Variants in PARD3 observed in about 807,000 individuals in gnomAD.
The protein encoded by PARD3 is partitioning defective 3 homolog.
Under a neutral mutation model 155.4 loss-of-function variants are expected in PARD3, and 75 were observed. The ratio of observed to expected loss-of-function variants is 0.48; its 90% CI spans 0.40 to 0.58. The LOEUF is 0.58. Among genes scored for constraint, PARD3 ranks in the 20% least tolerant of loss-of-function variants. The pLI, the probability that PARD3 is intolerant of heterozygous loss-of-function variation, is 0.00. For missense variants in PARD3, 1,642 were observed against 1,721.7 expected (o/e 0.95, Z 0.82); for synonymous variants, 576 against 610.5 (o/e 0.94, Z 0.83).
intron 7 of PARD3, among the ~76,000 whole-genome samples, chr10:34,391,433 T>G (rs930063545): frequency 2.6e-5 from 4 of 152,146 alleles, no homozygotes; most frequent in African/African-American, 9.7e-5. Flanking sequence ...GTGGTGTTGA[T>G]TCCATACAGT....
chr10:34,507,090 T>A (rs1351233689), intron 3 of PARD3, among the ~76,000 whole-genome samples: 1 of 152,170 alleles, frequency 6.6e-6, no homozygotes, highest in Non-Finnish European at 1.5e-5. Context: ...TAGCACAGTG[T>A]CCCTGATCTG....
At chr10:34,556,684 A>C (rs1453345793) in intron 2 of PARD3, among the ~76,000 whole-genome samples, 1 of 152,092 alleles carries the variant, frequency 6.6e-6, no homozygotes, top group East Asian at 1.9e-4. Flanking sequence ...GCCCAGCCCA[A>C]TTCCTTTGCT....
intron 12 of PARD3, among the ~76,000 whole-genome samples, chr10:34,371,515 AAAAAAAAAAAAAAAAAACAAC>A (rs1840634461): frequency 1.3e-4 from 12 of 91,512 alleles, no homozygotes; most frequent in African/African-American, 9.4e-4. Context: ...AAAAAAAAAA[AAAAAAAAAAAAAAAAAACAAC>A]GAAGGAATAT....
At chr10:34,399,898 A>C (rs1271672146) in intron 6 of PARD3, among the ~76,000 whole-genome samples, 2 of 152,206 alleles carry the variant, frequency 1.3e-5, no homozygotes, top group Admixed American at 1.3e-4. Flanking sequence ...TCTAATTTAC[A>C]AAGTGCTCTT....
chr10:34,687,846 C>CTTTTTTT (rs397846339), intron 2 of PARD3, among the ~76,000 whole-genome samples: 6,577 of 63,698 alleles, frequency 0.1, 1,710 homozygotes, highest in Non-Finnish European at 0.13. Flanking sequence ...CACCTGAAAT[C>CTTTTTTT]TTTTTTTTTT....
chr10:34,298,611 C>T (rs973455672), intron 20 of PARD3, among the ~76,000 whole-genome samples: 4 of 152,104 alleles, frequency 2.6e-5, no homozygotes, highest in East Asian at 1.9e-4. Context: ...GGGGAGATAG[C>T]GGCTGATGGG....
At chr10:34,121,253 T>C (rs189874333) in intron 23 of PARD3, among the ~76,000 whole-genome samples, 1 of 152,332 alleles carries the variant, frequency 6.6e-6, no homozygotes, top group Admixed American at 6.5e-5. Flanking sequence ...AGATCTGGCC[T>C]TTTGAAATAA....
intron 15 of PARD3, chr10:34,345,693 C>A (rs1470910517): frequency 1.0e-6 from 1 of 985,268 alleles, no homozygotes; most frequent in Admixed American, 6.2e-5. Context: ...AATTTTGGTT[C>A]AGAAACGGTG....
chr10:34,386,817 CAAA>C (rs79015033), intron 7 of PARD3, among the ~76,000 whole-genome samples: 7 of 85,492 alleles, frequency 8.2e-5, no homozygotes, highest in Admixed American at 1.3e-4. Flanking sequence ...AAACTCCGTC[CAAA>C]AAAAAAAAAA....
At chr10:34,557,821 C>T (rs1317756507) in intron 2 of PARD3, among the ~76,000 whole-genome samples, 3 of 151,614 alleles carry the variant, frequency 2.0e-5, no homozygotes, top group African/African-American at 7.3e-5. Flanking sequence ...ATAGTCCCAG[C>T]TACTTGGGAG....
intron 4 of PARD3, among the ~76,000 whole-genome samples, chr10:34,452,031 A>G (rs1168566216): frequency 1.3e-5 from 2 of 152,156 alleles, no homozygotes; most frequent in Non-Finnish European, 2.9e-5. Context: ...TGTTAATGAC[A>G]GAACTTTATT....
chr10:34,526,928 C>G, intron 2 of PARD3, among the ~76,000 whole-genome samples: 1 of 152,118 alleles, frequency 6.6e-6, no homozygotes, highest in Non-Finnish European at 1.5e-5. Context: ...ATCACTCATT[C>G]CATTGTTGAA....
At chr10:34,130,345 C>G (rs1765173) in intron 23 of PARD3, among the ~76,000 whole-genome samples, 77,679 of 151,922 alleles carry the variant, frequency 0.51, 20,938 homozygotes, top group Non-Finnish European at 0.6. Flanking sequence ...TCCAGCACCT[C>G]CCTTGGCTTT....
chr10:34,241,191 A>G (rs1429823044), intron 22 of PARD3, among the ~76,000 whole-genome samples: 1 of 152,216 alleles, frequency 6.6e-6, no homozygotes, highest in African/African-American at 2.4e-5. Flanking sequence ...TAGACAGGAC[A>G]TCAGGTAGAC....
At chr10:34,680,542 G>T (rs532730231) in intron 2 of PARD3, among the ~76,000 whole-genome samples, 49 of 139,276 alleles carry the variant, frequency 3.5e-4, no homozygotes, top group Non-Finnish European at 5.0e-4. Flanking sequence ...CTGAGTGATG[G>T]AGTAAGACTC....
chr10:34,721,728 G>A (rs1410483599), intron 1 of PARD3, among the ~76,000 whole-genome samples: 1 of 152,214 alleles, frequency 6.6e-6, no homozygotes, highest in Non-Finnish European at 1.5e-5. Context: ...GATCCATTCA[G>A]TTATCTGCTG....
chr10:34,331,226 T>A lies in PARD3; in HGVS notation c.2724A>T (p.Pro908=), dbSNP rs778279403. 1.2e-6 allele frequency: 2 copies of A among 1,614,032 alleles called. No homozygotes were observed. Among genetic ancestry groups the A allele is most frequent in the Admixed American group, 3.3e-5 (2 of 59,984 alleles). Residue 908 remains proline (P), a synonymous_variant, in exon 19 of 25, where the codon CCA becomes CCT. Transcript: ENST00000374788. The part of the protein sequence containing the change: ...TLNGDIPFHR[P]RPRIIRGRGC... ...CCCTGCCTCTGATTATCCGCGGCCG[T>A]GGACGATGGAAAGGAATATCCCCAT...
intron 2 of PARD3, among the ~76,000 whole-genome samples, chr10:34,671,169 G>A (rs570872756): frequency 1.1e-3 from 165 of 152,306 alleles, no homozygotes; most frequent in South Asian, 5.2e-3. Context: ...CAGTTGCTGT[G>A]GGACTTTGCC....
At chr10:34,329,357 A>G (rs907121508) in intron 19 of PARD3, among the ~76,000 whole-genome samples, 1 of 152,180 alleles carries the variant, frequency 6.6e-6, no homozygotes, top group African/African-American at 2.4e-5. Context: ...CTTAAAAAAT[A>G]TATATCAAGG....
Sources: allele counts gnomAD v4.1 joint callset (sites outside exome capture counted in the v4.1 genomes callset), GRCh38; gene constraint gnomAD v4.1.1; transcripts MANE v1.5; gene names NCBI Gene and HGNC (gene_info 2026-07-23, HGNC 2026-07-21).